Variants in ITGA2 observed in about 807,000 individuals in gnomAD.
ITGA2 encodes the protein integrin alpha-2.
ITGA2 carries 101 observed loss-of-function variants against 146.3 expected under a neutral mutation model. The observed-to-expected ratio is 0.69, with a 90% confidence interval of 0.59 to 0.81. The LOEUF (loss-of-function observed/expected upper bound fraction) is 0.81, where lower values mean the gene tolerates loss of function less well. Among genes scored for constraint, ITGA2 ranks in the 40% least tolerant of loss-of-function variants. The pLI, the probability that ITGA2 is intolerant of heterozygous loss-of-function variation, is 0.00. For missense variants in ITGA2, 1,281 were observed against 1,402.7 expected (o/e 0.91, Z 1.39); for synonymous variants, 477 against 487.1 (o/e 0.98, Z 0.27).
At chr5:53,057,248 A>G (rs1744684393) in intron 9 of ITGA2, among the ~76,000 whole-genome samples, 1 of 152,000 alleles carries the variant, frequency 6.6e-6, no homozygotes, top group African/African-American at 2.4e-5. Flanking sequence ...ATTTTATTAA[A>G]AAGTATCTCT....
At position 53,050,154 on chromosome 5, in the gene ITGA2, A is replaced by C. The variant is rs570582604; in HGVS notation, c.631-1257A>C. On this transcript the variant is annotated intron_variant, in intron 6 of 29. Coordinates refer to ENST00000296585, the MANE Select transcript of ITGA2 (RefSeq NM_002203.4). ...TGTTTCTAAATGAGTTACCCTCATA[A>C]TGTGACTAATTTTATTTAAGTCTCC... Among the ~76,000 whole-genome samples the C allele has an allele frequency of 4.9e-4, 74 of 152,272 alleles. 1 individual carries two copies. The highest frequency in any genetic ancestry group is 1.7e-3 in the African/African-American group (72 of 41,572).
intron 12 of ITGA2, 52 bp downstream of exon 12, chr5:53,061,098 G>A: frequency 6.3e-7 from 1 of 1,585,608 alleles, no homozygotes; most frequent in Non-Finnish European, 8.7e-7. Flanking sequence ...AACTGGGCAG[G>A]TGGGGAGTCA....
At chr5:53,086,563 T>C (rs1256686902) in intron 27 of ITGA2, among the ~76,000 whole-genome samples, 1 of 152,258 alleles carries the variant, frequency 6.6e-6, no homozygotes, top group Non-Finnish European at 1.5e-5. Flanking sequence ...TTTTCTCTCA[T>C]GTCACAAACT....
chr5:53,044,350 G>A (rs1743964672), intron 3 of ITGA2, among the ~76,000 whole-genome samples: 1 of 142,568 alleles, frequency 7.0e-6, no homozygotes, highest in Non-Finnish European at 1.5e-5. Flanking sequence ...AATAAGGGAA[G>A]GAATCCAATT....
intron 2 of ITGA2, among the ~76,000 whole-genome samples, chr5:53,040,980 G>A (rs1021188819): frequency 7.2e-5 from 11 of 152,020 alleles, no homozygotes; most frequent in African/African-American, 2.7e-4. Context: ...TTAGAAGACA[G>A]CAGTCTGCTT....
chr5:53,000,777 C>T (rs1188188560), intron 1 of ITGA2, among the ~76,000 whole-genome samples: 1 of 151,906 alleles, frequency 6.6e-6, no homozygotes, highest in Non-Finnish European at 1.5e-5. Context: ...GCTTTCTTTC[C>T]CCTGGTGCCT....
intron 16 of ITGA2, among the ~76,000 whole-genome samples, chr5:53,069,120 A>G (rs1745271029): frequency 6.6e-6 from 1 of 151,880 alleles, no homozygotes. Context: ...AACCTTTAAA[A>G]TATTGAAAAT....
intron 8 of ITGA2, 146 bp from the exon 9 acceptor site, chr5:53,055,838 A>G: frequency 8.0e-7 from 1 of 1,246,016 alleles, no homozygotes; most frequent in Non-Finnish European, 1.2e-6. Flanking sequence ...GATGATTTTC[A>G]ATCCTGTCTA....
intron 29 of ITGA2, among the ~76,000 whole-genome samples, chr5:53,090,311 A>G (rs145216379): frequency 2.6e-5 from 4 of 152,288 alleles, no homozygotes; most frequent in Non-Finnish European, 5.9e-5. Context: ...ACGCTGAAAA[A>G]TGTAGCTTTA....
At chr5:53,077,811 C>A (rs1223865828) in intron 23 of ITGA2, among the ~76,000 whole-genome samples, 1 of 151,798 alleles carries the variant, frequency 6.6e-6, no homozygotes, top group Non-Finnish European at 1.5e-5. Context: ...TAAAGAAACC[C>A]AAAAAATTCT....
In ITGA2 at chr5:52,989,395, A is replaced by T. The variant is rs1740795276; in HGVS notation, c.-74A>T. On this transcript the variant is annotated 5_prime_UTR_variant, in exon 1 of 30. Coordinates refer to ENST00000296585, the MANE Select transcript of ITGA2 (RefSeq NM_002203.4). ...GCTTCTAGAGTGTGCAGGTTCTCGT[A>T]TCCCTCGGCCAAGGGTATCCTCTGC... The T allele has an allele frequency of 1.5e-5, 22 of 1,479,670 alleles. No individual in the cohort carries two copies. In the South Asian group the frequency reaches 2.5e-4, roughly 17 times the overall value. 91.7% of individuals were successfully genotyped at this position (1,479,670 alleles called of 1,614,324 possible).
chr5:53,066,856 A>G (rs1209525589), intron 15 of ITGA2, among the ~76,000 whole-genome samples: 1 of 151,956 alleles, frequency 6.6e-6, no homozygotes, highest in African/African-American at 2.4e-5. Flanking sequence ...AAGAGTAAAT[A>G]CACATATCCC....
At position 53,042,331 on chromosome 5, in the gene ITGA2, G is replaced by T. The variant is rs567136399; in HGVS notation, c.295+110G>T. 1.3e-4 allele frequency: 99 copies of T among 780,016 alleles called. 1 individual carries two copies. In the South Asian group the frequency reaches 1.3e-3, roughly 11 times the overall value. 48.3% of individuals were successfully genotyped at this position (780,016 alleles called of 1,614,324 possible). ...AAAGAAATACAGACAGCTTTTTTTTGCCCTTATGTCTTTAGTAATATGGGG... is the reference window on the plus strand; with the variant it reads ...AAAGAAATACAGACAGCTTTTTTTTTCCCTTATGTCTTTAGTAATATGGGG... On this transcript the variant is annotated intron_variant, in intron 3 of 29. Transcript: ENST00000296585.
At chr5:53,055,388 T>C in intron 7 of ITGA2, 150 bp from the exon 8 acceptor site, 1 of 707,180 alleles carries the variant, frequency 1.4e-6, no homozygotes, top group Non-Finnish European at 2.4e-6. Context: ...AAGCTACAAA[T>C]GGAACATTAA....
chr5:53,090,778 A>AT lies in ITGA2; in HGVS notation c.*179_*180insT. ...ATGAAGAAATTGTGGGGGGTGGGGG[A>AT]GGTGCGGGGGGCAGGTAGGGAAATA... On this transcript the variant is annotated 3_prime_UTR_variant, in exon 30 of 30. Coordinates refer to ENST00000296585, the MANE Select transcript of ITGA2 (RefSeq NM_002203.4). 1 of 131,622 alleles carries AT rather than the reference A, an allele frequency of 7.6e-6. No homozygotes were observed. The highest frequency in any genetic ancestry group is 1.4e-5 in the Non-Finnish European group (1 of 71,612). The allele number at this position is 131,622 out of a possible 1,614,324, so 8.2% of individuals were successfully genotyped here.
intron 16 of ITGA2, among the ~76,000 whole-genome samples, 156 bp downstream of exon 16, chr5:53,067,413 C>G (rs755510431): frequency 6.6e-6 from 1 of 151,896 alleles, no homozygotes; most frequent in Admixed American, 6.6e-5. Context: ...GAATGGTTCA[C>G]TAGTCATGGA....
intron 2 of ITGA2, among the ~76,000 whole-genome samples, chr5:53,029,035 G>T (rs1481133166): frequency 1.3e-5 from 2 of 152,160 alleles, no homozygotes; most frequent in African/African-American, 4.8e-5. Context: ...ACTTTGGGAG[G>T]CCAAGGCGGG....
intron 1 of ITGA2, among the ~76,000 whole-genome samples, chr5:53,013,047 G>T (rs1051713637): frequency 1.3e-5 from 2 of 152,048 alleles, no homozygotes; most frequent in Non-Finnish European, 2.9e-5. Flanking sequence ...CCACTCCATA[G>T]GTTGTCTGTT....
At chr5:53,034,216 T>C (rs1743376008) in intron 2 of ITGA2, among the ~76,000 whole-genome samples, 1 of 152,162 alleles carries the variant, frequency 6.6e-6, no homozygotes, top group Non-Finnish European at 1.5e-5. Flanking sequence ...CTTTAAATAC[T>C]TACTGTTAAA....
Sources: gnomAD v4.1 joint callset for allele counts (sites outside exome capture counted in the v4.1 genomes callset) on GRCh38, gnomAD v4.1.1 for gene constraint, MANE v1.5 for transcripts, NCBI Gene and HGNC (gene_info 2026-07-23, HGNC 2026-07-21) for gene names.